Variants in ASCC3 observed in about 807,000 individuals in gnomAD.
ASCC3 encodes the protein ASC-1 complex subunit P200.
A neutral mutation model predicts 256.3 loss-of-function variants in ASCC3; 158 were observed. The observed-to-expected ratio is 0.62, with a 90% CI of 0.54 to 0.70. The LOEUF is 0.70. ASCC3 is among the 30% of genes least tolerant of loss of function. ASCC3 has a pLI of 0.00. For synonymous variants in ASCC3, 948 were observed against 883.4 expected (o/e 1.07, Z -1.30); for missense variants, 2,259 against 2,626.0 (o/e 0.86, Z 3.05).
intron 5 of ASCC3, among the ~76,000 whole-genome samples, chr6:100,802,340 C>T (rs1389252673): frequency 2.0e-5 from 3 of 151,754 alleles, no homozygotes; most frequent in African/African-American, 7.3e-5. Flanking sequence ...TGTAGAGCCT[C>T]CCCCTTGCTC....
intron 13 of ASCC3, 85 bp from the exon 14 acceptor site, chr6:100,679,837 C>A (rs141344154): frequency 7.0e-7 from 1 of 1,421,972 alleles, no homozygotes; most frequent in East Asian, 2.3e-5. Flanking sequence ...TCCATATAAA[C>A]AACTATTAAT....
chr6:100,718,026 A>C (rs747206398), intron 12 of ASCC3, 49 bp downstream of exon 12: 1 of 1,570,954 alleles, frequency 6.4e-7, no homozygotes, highest in South Asian at 1.1e-5. Context: ...AGTATTCAAT[A>C]ATAAGTCAAC....
intron 14 of ASCC3, among the ~76,000 whole-genome samples, chr6:100,669,870 T>C (rs904985765): frequency 6.6e-6 from 1 of 151,756 alleles, no homozygotes; most frequent in African/African-American, 2.4e-5. Flanking sequence ...GAAATAAGTT[T>C]CAGAAACATC....
At chr6:100,754,876 T>A (rs9498303) in intron 10 of ASCC3, among the ~76,000 whole-genome samples, 2 of 152,156 alleles carry the variant, frequency 1.3e-5, no homozygotes, top group Non-Finnish European at 2.9e-5. Flanking sequence ...GATGGTTTTA[T>A]AAAGGGTGGT....
intron 36 of ASCC3, among the ~76,000 whole-genome samples, chr6:100,552,621 T>C (rs1340302351): frequency 6.6e-6 from 1 of 151,894 alleles, no homozygotes; most frequent in Non-Finnish European, 1.5e-5. Context: ...CAAAAGTACA[T>C]CAATGTGTGA....
chr6:100,531,744 C>T (rs1774889607), intron 37 of ASCC3, among the ~76,000 whole-genome samples: 1 of 152,076 alleles, frequency 6.6e-6, no homozygotes, highest in Admixed American at 6.6e-5. Context: ...CTAGTCTGCG[C>T]TTACCTTACC....
chr6:100,802,731 G>A (rs1769978684), intron 5 of ASCC3, among the ~76,000 whole-genome samples: 1 of 152,064 alleles, frequency 6.6e-6, no homozygotes, highest in Admixed American at 6.6e-5. Context: ...TGGGCACTGT[G>A]GCTCACACCT....
chr6:100,560,712 G>A (rs1769886179), intron 36 of ASCC3, among the ~76,000 whole-genome samples: 1 of 148,244 alleles, frequency 6.7e-6, no homozygotes, highest in African/African-American at 2.5e-5. Context: ...CATTCTTATG[G>A]CTAAAGTCAT....
At chr6:100,743,922 A>G (rs1780551258) in intron 10 of ASCC3, among the ~76,000 whole-genome samples, 1 of 152,206 alleles carries the variant, frequency 6.6e-6, no homozygotes, top group Non-Finnish European at 1.5e-5. Context: ...GTTTTCTAAC[A>G]TCATCATCAT....
intron 30 of ASCC3, among the ~76,000 whole-genome samples, chr6:100,616,450 CA>C (rs759485826): frequency 1.4e-4 from 21 of 152,160 alleles, no homozygotes; most frequent in Non-Finnish European, 2.8e-4. Context: ...TTGGCACATT[CA>C]AAAAATAATG....
At chr6:100,714,700 C>A (rs1779008525) in intron 13 of ASCC3, among the ~76,000 whole-genome samples, 1 of 152,030 alleles carries the variant, frequency 6.6e-6, no homozygotes, top group African/African-American at 2.4e-5. Context: ...AAAAGTTATT[C>A]TTAAAACCAA....
chr6:100,722,380 C>G lies in ASCC3; in HGVS notation c.1902+3159G>C, dbSNP rs180924453. 1.5e-3 allele frequency among the ~76,000 whole-genome samples: 232 copies of G among 151,300 alleles called. 1 individual carries two copies. The highest frequency in any genetic ancestry group is 5.5e-3 in the African/African-American group (226 of 41,436). On this transcript the variant is annotated intron_variant, in intron 11 of 41. Transcript: ENST00000369162. ...TTTCTAATTCTATGAAGAATGACATCCAAACTTCAGCATCATGCAATATAC... is the reference window on the plus strand; with the variant it reads ...TTTCTAATTCTATGAAGAATGACATGCAAACTTCAGCATCATGCAATATAC...
At chr6:100,716,227 T>C (rs1325241829) in intron 12 of ASCC3, among the ~76,000 whole-genome samples, 1 of 151,920 alleles carries the variant, frequency 6.6e-6, no homozygotes, top group African/African-American at 2.4e-5. Context: ...ATTATCAATG[T>C]ATTCATATAA....
At chr6:100,589,475 C>G (rs1351532566) in intron 36 of ASCC3, among the ~76,000 whole-genome samples, 159 bp downstream of exon 36, 1 of 152,080 alleles carries the variant, frequency 6.6e-6, no homozygotes, top group Non-Finnish European at 1.5e-5. Context: ...GTCACCTTAT[C>G]TATGGGTATC....
chr6:100,867,810 C>G (rs2114555390), intron 2 of ASCC3, 98 bp downstream of exon 2: 1 of 1,060,212 alleles, frequency 9.4e-7, no homozygotes, highest in Admixed American at 2.0e-5. Flanking sequence ...ATAAAACTTC[C>G]ATGTTAACCA....
intron 36 of ASCC3, among the ~76,000 whole-genome samples, chr6:100,582,653 C>T (rs1443665236): frequency 1.3e-5 from 2 of 151,940 alleles, no homozygotes; most frequent in East Asian, 1.9e-4. Context: ...GAGGGCATCC[C>T]TGTCTTGTGC....
At chr6:100,670,993 A>T (rs967875029) in intron 14 of ASCC3, among the ~76,000 whole-genome samples, 1 of 152,000 alleles carries the variant, frequency 6.6e-6, no homozygotes, top group Admixed American at 6.6e-5. Context: ...AAAAAGAATG[A>T]AACCCATCTT....
chr6:100,655,721 C>G lies in ASCC3; in HGVS notation c.2801G>C (p.Gly934Ala). Residue 934 changes from glycine (G) to alanine (A), a missense_variant, in exon 17 of 42, where the codon GGC becomes GCC. Transcript: ENST00000369162. ...TACCTGATAAGCCTTGTGACTGATG[C>G]CATATGCTAATGGATTTGCTCTCAT... ...VRMRANPLAYGISHKAYQIDP... is the reference protein window; with the variant it reads ...VRMRANPLAYAISHKAYQIDP... 8 of 1,611,028 alleles carry G rather than the reference C, an allele frequency of 5.0e-6. No individual in the cohort carries two copies. Among genetic ancestry groups the G allele is most frequent in the Non-Finnish European group, 6.8e-6 (8 of 1,178,924 alleles).
rs138838762 is a variant in ASCC3, at chr6:100,700,496, C to T, written c.2151+14966G>A. On this transcript the variant is annotated intron_variant, in intron 13 of 41. Transcript: ENST00000369162. Reference sequence around the variant, plus strand: ...GAGAAGAGGGCCACCATCCTCCAGACCCCAAAATGGTAGATCCACTGACAG... The same window carrying T: ...GAGAAGAGGGCCACCATCCTCCAGATCCCAAAATGGTAGATCCACTGACAG... 1.8e-4 allele frequency among the ~76,000 whole-genome samples: 27 copies of T among 152,268 alleles called. No individual in the cohort carries two copies. In the East Asian group the frequency reaches 5.0e-3, roughly 28 times the overall value.
Sources: allele counts gnomAD v4.1 joint callset (sites outside exome capture counted in the v4.1 genomes callset), GRCh38; gene constraint gnomAD v4.1.1; transcripts MANE v1.5; gene names NCBI Gene and HGNC (gene_info 2026-07-23, HGNC 2026-07-21).